Variants in NTRK3 observed in about 807,000 individuals in gnomAD.
NTRK3 encodes NT-3 growth factor receptor.
A neutral mutation model predicts 91.7 loss-of-function variants in NTRK3; 24 were observed. The ratio of observed to expected loss-of-function variants is 0.26; its 90% CI spans 0.19 to 0.37. NTRK3 has a LOEUF of 0.37. Ranked by LOEUF, NTRK3 falls within the 10% of genes least tolerant of loss-of-function variation. The probability of loss-of-function intolerance (pLI) is 1.00; values close to 1 mark genes in which losing one functional copy is unlikely to be tolerated. For missense variants in NTRK3, 880 were observed against 1,068.9 expected, an observed-to-expected ratio of 0.82 and a Z score of 2.46; for synonymous variants, 483 against 404.0, an observed-to-expected ratio of 1.20 and a Z score of -2.34.
intron 13 of NTRK3, among the ~76,000 whole-genome samples, chr15:88,060,423 T>C (rs1436664476): frequency 6.8e-6 from 1 of 147,606 alleles, no homozygotes; most frequent in African/African-American, 2.5e-5. Flanking sequence ...CCTGAGACCA[T>C]CTCAGGGAAG....
intron 13 of NTRK3, among the ~76,000 whole-genome samples, chr15:88,069,014 G>A (rs1177457935): frequency 6.6e-6 from 1 of 152,204 alleles, no homozygotes; most frequent in Non-Finnish European, 1.5e-5. Flanking sequence ...CCAAGAACTG[G>A]CTATTATGGG....
intron 14 of NTRK3, among the ~76,000 whole-genome samples, chr15:88,023,650 C>T (rs1302670060): frequency 6.6e-6 from 1 of 152,140 alleles, no homozygotes; most frequent in African/African-American, 2.4e-5. Flanking sequence ...GGTCCTATTT[C>T]TCTCCCATGT....
intron 13 of NTRK3, among the ~76,000 whole-genome samples, chr15:88,070,524 T>G (rs1381878700): frequency 1.3e-5 from 2 of 152,042 alleles, no homozygotes; most frequent in African/African-American, 4.8e-5. Context: ...TTCCTTCAAT[T>G]AGAGAAGGTC....
At chr15:87,874,735 C>T (rs1409899474) in exon 19 of NTRK3, 1 of 232,498 alleles carries the variant, frequency 4.3e-6, no homozygotes, top group Non-Finnish European at 8.5e-6. Flanking sequence ...TTCTTAGCTA[C>T]CCAGATCAAA....
chr15:88,222,595 C>A (rs1220286728), intron 3 of NTRK3, among the ~76,000 whole-genome samples: 1 of 152,188 alleles, frequency 6.6e-6, no homozygotes, highest in Non-Finnish European at 1.5e-5. Flanking sequence ...GATTTCCATT[C>A]ATAGGTGGGG....
chr15:87,928,621 T>C (rs1567117434), intron 17 of NTRK3: 1 of 166,468 alleles, frequency 6.0e-6, no homozygotes, highest in East Asian at 1.6e-4. Context: ...TGGCAACAGA[T>C]AACATGCTTC....
chr15:88,251,123 G>C lies in NTRK3; in HGVS notation c.248+4783C>G, dbSNP rs557784638. On this transcript the variant is annotated intron_variant, in intron 3 of 18. Coordinates refer to ENST00000394480, the Ensembl canonical transcript of NTRK3. ...TGGTCTGGGCAGTTGACTCTAAATA[G>C]TGTCATGTGTCACAAATGGTGTCAA... 2.6e-5 allele frequency among the ~76,000 whole-genome samples: 4 copies of C among 152,322 alleles called. No homozygotes were observed. In the East Asian group the frequency reaches 7.7e-4, roughly 29 times the overall value.
At chr15:87,866,379 T>C (rs761064518) in exon 19 of NTRK3, 1 of 177,062 alleles carries the variant, frequency 5.6e-6, no homozygotes, top group Non-Finnish European at 1.2e-5. Flanking sequence ...AAAGAAACAA[T>C]ATGGAACTAT....
intron 5 of NTRK3, 22 bp from the exon 6 acceptor site, chr15:88,147,425 G>T (rs2042985079): frequency 6.2e-7 from 1 of 1,609,106 alleles, no homozygotes; most frequent in Admixed American, 1.7e-5. Flanking sequence ...ACAAATAAAG[G>T]GAAATTTTAA....
chr15:88,128,683 T>C, intron 11 of NTRK3, 28 bp downstream of exon 11: 1 of 1,612,742 alleles, frequency 6.2e-7, no homozygotes. Context: ...ATAAATCAGT[T>C]TCAAAGCAAC....
At chr15:88,167,910 T>C (rs2045138208) in intron 5 of NTRK3, among the ~76,000 whole-genome samples, 1 of 152,214 alleles carries the variant, frequency 6.6e-6, no homozygotes, top group Non-Finnish European at 1.5e-5. Context: ...GCCTAATATT[T>C]GTAAGAAACT....
chr15:87,946,037 A>G (rs1764617413), intron 14 of NTRK3, among the ~76,000 whole-genome samples: 1 of 152,178 alleles, frequency 6.6e-6, no homozygotes, highest in Non-Finnish European at 1.5e-5. Flanking sequence ...TTCCTTTCCA[A>G]TTTTCATTTC....
intron 17 of NTRK3, among the ~76,000 whole-genome samples, chr15:87,900,955 G>C (rs569877327): frequency 6.6e-6 from 1 of 152,098 alleles, no homozygotes. Context: ...TGCCCCTCCT[G>C]GCCCTGTGAG....
At chr15:87,999,640 T>G (rs1030204595) in intron 14 of NTRK3, among the ~76,000 whole-genome samples, 1 of 152,136 alleles carries the variant, frequency 6.6e-6, no homozygotes, top group Admixed American at 6.6e-5. Context: ...AAAGCTGCTG[T>G]GGATAGGGGC....
intron 17 of NTRK3, among the ~76,000 whole-genome samples, chr15:87,881,991 G>A (rs905174443): frequency 1.1e-4 from 17 of 152,150 alleles, no homozygotes; most frequent in African/African-American, 3.9e-4. Context: ...CGCTTCCTGG[G>A]TTCAAGCGAT....
intron 14 of NTRK3, among the ~76,000 whole-genome samples, chr15:88,010,409 T>C (rs1343475146): frequency 1.3e-5 from 2 of 152,210 alleles, no homozygotes; most frequent in African/African-American, 2.4e-5. Flanking sequence ...ACCGCCTCTA[T>C]AATGATTTAA....
At chr15:88,152,162 G>A (rs902026377) in intron 5 of NTRK3, among the ~76,000 whole-genome samples, 2 of 152,238 alleles carry the variant, frequency 1.3e-5, no homozygotes, top group African/African-American at 4.8e-5. Flanking sequence ...TTAGCTGGGT[G>A]TGGTGGTGGG....
intron 17 of NTRK3, among the ~76,000 whole-genome samples, chr15:87,905,608 T>C (rs1248146732): frequency 3.3e-5 from 5 of 152,204 alleles, no homozygotes; most frequent in Non-Finnish European, 7.3e-5. Flanking sequence ...GGTCAGTCTG[T>C]GGATTCCATT....
chr15:87,998,950 G>C (rs1414767519), intron 14 of NTRK3, among the ~76,000 whole-genome samples: 3 of 152,116 alleles, frequency 2.0e-5, no homozygotes, highest in African/African-American at 7.2e-5. Flanking sequence ...TAAGGCCCCA[G>C]AGGTGATGTA....
Sources: allele counts gnomAD v4.1 joint callset (sites outside exome capture counted in the v4.1 genomes callset), GRCh38; gene constraint gnomAD v4.1.1; transcripts MANE v1.5; gene names NCBI Gene and HGNC (gene_info 2026-07-23, HGNC 2026-07-21).